Variants in PGM5 observed in about 807,000 individuals in gnomAD.
The protein encoded by PGM5 is phosphoglucomutase 5, also known as phosphoglucomutase-like protein 5.
In PGM5, 23 loss-of-function variants were observed where a neutral mutation model predicts 59.2. That is an observed-to-expected ratio of 0.39 (90% confidence interval 0.28 to 0.55). The LOEUF (loss-of-function observed/expected upper bound fraction) is 0.55. Ranked by LOEUF, PGM5 falls within the 20% of genes least tolerant of loss-of-function variation. The pLI, the probability that PGM5 is intolerant of heterozygous loss-of-function variation, is 0.66. For missense variants in PGM5, 574 were observed against 748.3 expected (o/e 0.77, Z 2.72); for synonymous variants, 214 against 286.0 (o/e 0.75, Z 2.54).
At chr9:68,421,456 G>A (rs560860700) in intron 6 of PGM5, among the ~76,000 whole-genome samples, 7 of 152,210 alleles carry the variant, frequency 4.6e-5, no homozygotes, top group South Asian at 2.1e-4. Flanking sequence ...GGTGGCTCAC[G>A]CTGGTAATCT....
At chr9:68,516,403 A>G (rs1289549659) in intron 10 of PGM5, among the ~76,000 whole-genome samples, 1 of 152,140 alleles carries the variant, frequency 6.6e-6, no homozygotes. Flanking sequence ...TCCTTTCCCA[A>G]GGGCTAGCCC....
intron 10 of PGM5, among the ~76,000 whole-genome samples, chr9:68,526,074 AAG>A (rs1357603737): frequency 3.9e-5 from 6 of 151,978 alleles, no homozygotes; most frequent in African/African-American, 1.5e-4. Flanking sequence ...AAAAGAAAGA[AAG>A]AAAAAAAAGG....
chr9:68,528,651 CA>C (rs766656708), intron 10 of PGM5, among the ~76,000 whole-genome samples: 2 of 152,202 alleles, frequency 1.3e-5, no homozygotes, highest in Non-Finnish European at 2.9e-5. Flanking sequence ...ACATCATGAA[CA>C]TGAATTCAAT....
chr9:68,511,027 G>C (rs1410378228), intron 10 of PGM5, among the ~76,000 whole-genome samples: 1 of 152,188 alleles, frequency 6.6e-6, no homozygotes, highest in Non-Finnish European at 1.5e-5. Context: ...TAAGTAGCAG[G>C]CTTCAGAGAG....
chr9:68,483,420 T>C (rs918622594), intron 8 of PGM5, among the ~76,000 whole-genome samples: 11 of 151,882 alleles, frequency 7.2e-5, no homozygotes, highest in Non-Finnish European at 1.6e-4. Context: ...ATGTACAAGG[T>C]AGAGGGAACA....
chr9:68,526,498 A>G (rs1587235621), intron 10 of PGM5, among the ~76,000 whole-genome samples: 1 of 152,362 alleles, frequency 6.6e-6, no homozygotes, highest in East Asian at 1.9e-4. Flanking sequence ...TAGATATCCT[A>G]TTACATTTGT....
At chr9:68,463,182 G>GTTT (rs113568409) in intron 6 of PGM5, among the ~76,000 whole-genome samples, 2 of 140,076 alleles carry the variant, frequency 1.4e-5, no homozygotes, top group African/African-American at 5.2e-5. Context: ...GTTTCTAGAT[G>GTTT]TTTTTTTTTT....
chr9:68,509,334 TG>T (rs2132111841), intron 10 of PGM5, among the ~76,000 whole-genome samples: 1 of 152,334 alleles, frequency 6.6e-6, no homozygotes, highest in South Asian at 2.1e-4. Flanking sequence ...TATACAATTC[TG>T]GTATCGTGTT....
At chr9:68,428,515 A>C (rs936528034) in intron 6 of PGM5, 1 of 152,218 alleles carries the variant, frequency 6.6e-6, no homozygotes, top group African/African-American at 2.4e-5. Flanking sequence ...TGCCTCTGTT[A>C]ACTGGCTCTG....
At position 68,356,916 on chromosome 9, in the gene PGM5, T is replaced by G; in HGVS notation, c.-212T>G. 1 of 446,716 alleles carries G rather than the reference T, an allele frequency of 2.2e-6. No individual in the cohort carries two copies. Among genetic ancestry groups the G allele is most frequent in the Non-Finnish European group, 3.9e-6 (1 of 258,616 alleles). The allele number at this position is 446,716 out of a possible 1,614,324, so 27.7% of individuals were successfully genotyped here. A position where few individuals can be genotyped will look rare whatever the true frequency, so the allele number is the denominator to read the frequency against. On this transcript the variant is annotated 5_prime_UTR_variant, in exon 1 of 11. Coordinates refer to ENST00000396396, the MANE Select transcript of PGM5 (RefSeq NM_021965.4). The stretch of plus-strand genomic sequence containing the variant: ...ACTTTACAGGAAGGCAGAAGCAATC[T>G]CTGCCGAGAGAGTCAGCCGAGCGGC...
Position 68,359,169 on chromosome 9 carries a change from C to T in PGM5, c.261+1781C>T, listed in dbSNP as rs185895158. ...CTTATTATTTCTTGTCCCACTTTAC[C>T]ATAAGGACTCCTCAGCTTCTTACTT... On this transcript the variant is annotated intron_variant, in intron 1 of 10. Coordinates refer to ENST00000396396, the MANE Select transcript of PGM5 (RefSeq NM_021965.4). Among the ~76,000 whole-genome samples, 546 of 152,298 alleles carry T rather than the reference C, an allele frequency of 3.6e-3. 1 individual carries two copies. Among genetic ancestry groups the T allele is most frequent in the Middle Eastern group, 6.8e-3 (2 of 294 alleles).
intron 6 of PGM5, chr9:68,398,461 A>G (rs1554680207): frequency 6.6e-6 from 1 of 152,276 alleles, no homozygotes; most frequent in African/African-American, 2.4e-5. Flanking sequence ...CAGCAATAGC[A>G]GGAAGCTGTT....
intron 9 of PGM5, among the ~76,000 whole-genome samples, chr9:68,487,483 C>CAA (rs1381023561): frequency 6.6e-6 from 1 of 151,642 alleles, no homozygotes; most frequent in Non-Finnish European, 1.5e-5. Flanking sequence ...CACACACACA[C>CAA]ACACACACAC....
intron 10 of PGM5, among the ~76,000 whole-genome samples, chr9:68,517,047 CTT>C (rs781374136): frequency 1.8e-4 from 25 of 139,348 alleles, no homozygotes; most frequent in East Asian, 2.1e-4. Flanking sequence ...AATTTTTTGT[CTT>C]TTTTTTTTTT....
intron 1 of PGM5, among the ~76,000 whole-genome samples, chr9:68,362,859 CTTTTTCTTTTTT>C (rs1238067712): frequency 3.9e-4 from 52 of 134,670 alleles, no homozygotes; most frequent in Middle Eastern, 7.9e-3. Flanking sequence ...CTGACTTTTT[CTTTTTCTTTTTT>C]TTTTTTTTTT....
chr9:68,454,187 G>C (rs1329036260), intron 6 of PGM5, among the ~76,000 whole-genome samples: 2 of 152,126 alleles, frequency 1.3e-5, no homozygotes, highest in African/African-American at 4.8e-5. Flanking sequence ...CCATAGGCTG[G>C]AAACATGACT....
intron 7 of PGM5, among the ~76,000 whole-genome samples, chr9:68,470,369 G>A (rs1183087119): frequency 1.3e-5 from 2 of 152,282 alleles, no homozygotes; most frequent in Non-Finnish European, 2.9e-5. Context: ...TTGTGAATGA[G>A]CACTTTATTT....
At chr9:68,422,730 A>T (rs1432634942) in intron 6 of PGM5, among the ~76,000 whole-genome samples, 11 of 152,122 alleles carry the variant, frequency 7.2e-5, no homozygotes, top group Admixed American at 1.3e-4. Flanking sequence ...AATTAAAAAA[A>T]TTTTTTTCCC....
intron 1 of PGM5, among the ~76,000 whole-genome samples, chr9:68,368,535 C>G (rs1262522455): frequency 6.6e-6 from 1 of 152,186 alleles, no homozygotes; most frequent in Non-Finnish European, 1.5e-5. Context: ...TCTTAGTGAG[C>G]AGGTTTATGA....
Sources: allele counts gnomAD v4.1 joint callset (sites outside exome capture counted in the v4.1 genomes callset), GRCh38; gene constraint gnomAD v4.1.1; transcripts MANE v1.5; gene names NCBI Gene and HGNC (gene_info 2026-07-23, HGNC 2026-07-21).